The following TANC1 variants were observed in gnomAD, a reference collection of about 807,000 sequenced individuals.
TANC1 encodes the protein protein TANC1.
In TANC1, 77 loss-of-function variants were observed where a neutral mutation model predicts 149.7. The ratio of observed to expected loss-of-function variants is 0.51; its 90% CI spans 0.43 to 0.62. TANC1 has a LOEUF of 0.62. TANC1 is among the 20% of genes least tolerant of loss of function. TANC1 has a pLI of 0.00. For synonymous variants in TANC1, 854 were observed against 925.0 expected (o/e 0.92, Z 1.39); for missense variants, 1,985 against 2,321.8 (o/e 0.85, Z 2.98).
At chr2:159,213,862 G>A (rs935699131) in intron 19 of TANC1, among the ~76,000 whole-genome samples, 1 of 151,928 alleles carries the variant, frequency 6.6e-6, no homozygotes, top group African/African-American at 2.4e-5. Context: ...ACAGTGGCTC[G>A]CACCTGTAAT....
Position 159,010,335 on chromosome 2 carries a change from A to G in TANC1, c.-16+9146A>G, listed in dbSNP as rs575763389. ...AAAACTGAGAAAATGATAGTTGGCA[A>G]ATACTTAGAAGTGACAGGAATAAAA... On this transcript the variant is annotated intron_variant, in intron 2 of 26. Transcript: ENST00000263635. Among the ~76,000 whole-genome samples, 4 of 152,352 alleles carry G rather than the reference A, an allele frequency of 2.6e-5. No homozygotes were observed. In the South Asian group the frequency reaches 6.2e-4, roughly 24 times the overall value.
intron 19 of TANC1, 114 bp from the exon 20 acceptor site, chr2:159,217,383 G>C (rs997714006): frequency 2.2e-6 from 3 of 1,374,522 alleles, no homozygotes; most frequent in East Asian, 4.6e-5. Flanking sequence ...AGGTTCAAAG[G>C]GGGAGGACAT....
At chr2:159,209,290 G>A (rs1252638405) in intron 19 of TANC1, among the ~76,000 whole-genome samples, 1 of 152,184 alleles carries the variant, frequency 6.6e-6, no homozygotes, top group African/African-American at 2.4e-5. Flanking sequence ...TGAGGATTAG[G>A]TTAGATAACT....
In TANC1 at chr2:159,219,323, A is replaced by C. The variant is rs2059541579; in HGVS notation, c.3464A>C (p.Glu1155Ala). 1 of 1,614,046 alleles carries C rather than the reference A, an allele frequency of 6.2e-7. No homozygotes were observed. The highest frequency in any genetic ancestry group is 2.2e-5 in the East Asian group (1 of 44,904). ...GRTPLMVAAC[E>A]GHLSTVEFLL... is the part of the protein sequence containing the mutation. ...ACGCCCCTCATGGTGGCTGCTTGTG[A>C]AGGGCACTTGAGCACCGTGGAATTC... Residue 1155 changes from glutamate (E) to alanine (A), a missense_variant, in exon 21 of 27, where the codon GAA becomes GCA. Coordinates refer to ENST00000263635, the MANE Select transcript of TANC1 (RefSeq NM_033394.3).
intron 14 of TANC1, among the ~76,000 whole-genome samples, chr2:159,185,569 G>A (rs1346576713): frequency 6.6e-6 from 1 of 152,198 alleles, no homozygotes; most frequent in Non-Finnish European, 1.5e-5. Context: ...TGTGCTCTGT[G>A]TCTATTCATG....
In TANC1 at chr2:159,230,018, C is replaced by T. The variant is rs1384812094; in HGVS notation, c.4592C>T (p.Ala1531Val). Residue 1531 changes from alanine (A) to valine (V), a missense_variant, in exon 27 of 27, where the codon GCC becomes GTC. By Grantham distance (64) the Ala-to-Val change is moderately conservative. Coordinates refer to ENST00000263635, the MANE Select transcript of TANC1 (RefSeq NM_033394.3). The surrounding 1 kb of genome is among the most constrained non-coding windows in gnomAD (Gnocchi z 4.4). ...CTGCTCCTGCAGCCCTCCAAGCAGG[C>T]CCAGATCGTGAAAACCAGCCAGCAC... The part of the protein sequence containing the change: ...PGLLLQPSKQ[A>V]QIVKTSQHLG... The T allele has an allele frequency of 6.2e-7, 1 of 1,613,950 alleles. No homozygotes were observed. Among genetic ancestry groups the T allele is most frequent in the African/African-American group, 1.3e-5 (1 of 74,948 alleles).
At chr2:158,982,506 A>T (rs1267175051) in intron 1 of TANC1, among the ~76,000 whole-genome samples, 1 of 152,264 alleles carries the variant, frequency 6.6e-6, no homozygotes, top group Non-Finnish European at 1.5e-5. Flanking sequence ...GAAGCCCTGT[A>T]TGAAAGGCTT....
At chr2:159,146,231 T>C (rs2052068461) in intron 5 of TANC1, among the ~76,000 whole-genome samples, 1 of 152,192 alleles carries the variant, frequency 6.6e-6, no homozygotes, top group African/African-American at 2.4e-5. Context: ...GAGAGGGCTC[T>C]GTGCATTAGG....
At chr2:159,068,802 C>T (rs2042891982) in intron 3 of TANC1, among the ~76,000 whole-genome samples, 1 of 152,112 alleles carries the variant, frequency 6.6e-6, no homozygotes, top group Non-Finnish European at 1.5e-5. Flanking sequence ...CAGTTGTGCA[C>T]CATCTCCACT....
At chr2:159,026,472 A>G (rs769943953) in intron 2 of TANC1, among the ~76,000 whole-genome samples, 9 of 151,800 alleles carry the variant, frequency 5.9e-5, no homozygotes, top group Admixed American at 6.6e-5. Flanking sequence ...CCTACCCTGC[A>G]CTCTAGCCTT....
intron 7 of TANC1, among the ~76,000 whole-genome samples, chr2:159,156,647 C>T (rs186452622): frequency 9.2e-5 from 14 of 152,154 alleles, no homozygotes; most frequent in Admixed American, 4.6e-4. Flanking sequence ...ATACCTCTGA[C>T]GGAAGATGTA....
intron 10 of TANC1, among the ~76,000 whole-genome samples, chr2:159,171,871 A>AAAAAAAG (rs70994272): frequency 0.25 from 26,706 of 105,586 alleles, 4,152 homozygotes; most frequent in Middle Eastern, 0.33. Context: ...AAAAAAAAAA[A>AAAAAAAG]AAAAGAAAAA....
intron 7 of TANC1, 136 bp downstream of exon 7, chr2:159,150,692 G>A: frequency 1.6e-6 from 1 of 635,018 alleles, no homozygotes; most frequent in Non-Finnish European, 2.8e-6. Flanking sequence ...TTTGCAGGCA[G>A]CACTGACTCC....
At position 159,196,119 on chromosome 2, in the gene TANC1, C is replaced by T. The variant is rs1172636486; in HGVS notation, c.2980-489C>T. 2.6e-5 allele frequency among the ~76,000 whole-genome samples: 4 copies of T among 152,228 alleles called. No homozygotes were observed. In the East Asian group the frequency reaches 7.7e-4, roughly 29 times the overall value. ...CCTTCCCAATCAGATGCCACTTGGA[C>T]TCCTTTCCTGCCCTTCCACACTCAG... On this transcript the variant is annotated intron_variant, in intron 17 of 26. Transcript: ENST00000263635.
At chr2:158,976,407 C>T (rs1420719526) in intron 1 of TANC1, among the ~76,000 whole-genome samples, 2 of 152,104 alleles carry the variant, frequency 1.3e-5, no homozygotes, top group Admixed American at 6.5e-5. Flanking sequence ...CATCTAAATA[C>T]ATTTATGGCT....
At position 159,149,128 on chromosome 2, in the gene TANC1, T is replaced by A; in HGVS notation, c.365-14T>A. The stretch of plus-strand genomic sequence containing the variant: ...CCAGAGGGGCATCTTCATTGTTTTC[T>A]TTCTTTGTTCCAGAAGCAAAGGCCG... On this transcript the variant is annotated splice_polypyrimidine_tract_variant and intron_variant, in intron 5 of 26. Coordinates refer to ENST00000263635, the MANE Select transcript of TANC1 (RefSeq NM_033394.3). 2 of 1,566,438 alleles carry A rather than the reference T, an allele frequency of 1.3e-6. No homozygotes were observed. Among genetic ancestry groups the A allele is most frequent in the Non-Finnish European group, 1.7e-6 (2 of 1,156,132 alleles).
chr2:159,138,293 ACGTCTGTGGGTG>A (rs1419852344), intron 5 of TANC1, among the ~76,000 whole-genome samples: 2 of 151,638 alleles, frequency 1.3e-5, no homozygotes, highest in Non-Finnish European at 2.9e-5. Flanking sequence ...GGTGTAGTTC[ACGTCTGTGGGTG>A]CATGGTCTTG....
At chr2:159,068,988 G>A (rs746525269) in intron 3 of TANC1, among the ~76,000 whole-genome samples, 23 of 152,138 alleles carry the variant, frequency 1.5e-4, no homozygotes, top group Non-Finnish European at 2.8e-4. Flanking sequence ...TGATCCACTC[G>A]CCTCGGCCTC....
At position 159,178,921 on chromosome 2, in the gene TANC1, G is replaced by A. The variant is rs780945206; in HGVS notation, c.2268G>A (p.Pro756=). ...AGTCCGCCTTTGAGAGGGCACTTCCGATTCTCAACGTGGCCCTCGCATCCC... is the reference window on the plus strand; with the variant it reads ...AGTCCGCCTTTGAGAGGGCACTTCCAATTCTCAACGTGGCCCTCGCATCCC... ...MTQSAFERAL[P]ILNVALASLH... Residue 756 remains proline (P), a synonymous_variant, in exon 14 of 27, where the codon CCG becomes CCA. Coordinates refer to ENST00000263635, the MANE Select transcript of TANC1 (RefSeq NM_033394.3). 10 of 1,614,036 alleles carry A rather than the reference G, an allele frequency of 6.2e-6. No individual in the cohort carries two copies. In the East Asian group the frequency reaches 8.9e-5, roughly 14 times the overall value.
Sources: allele counts gnomAD v4.1 joint callset (sites outside exome capture counted in the v4.1 genomes callset), GRCh38; gene constraint gnomAD v4.1.1; non-coding constraint Gnocchi (gnomAD v3.1); transcripts MANE v1.5; gene names NCBI Gene and HGNC (gene_info 2026-07-23, HGNC 2026-07-21).